FSTL5: variants seen among roughly 807,000 people sequenced by gnomAD.
FSTL5 encodes follistatin like 5.
FSTL5 carries 62 observed loss-of-function variants against 89.1 expected under a neutral mutation model. The ratio of observed to expected loss-of-function variants is 0.70; its 90% CI spans 0.57 to 0.86. The LOEUF (loss-of-function observed/expected upper bound fraction) is 0.86. Among genes scored for constraint, FSTL5 ranks in the 40% least tolerant of loss-of-function variants. The probability of loss-of-function intolerance (pLI) is 0.00; values close to 1 mark genes in which losing one functional copy is unlikely to be tolerated. For missense variants in FSTL5, 1,057 were observed against 1,001.6 expected (o/e 1.06, Z -0.75); for synonymous variants, 383 against 346.2 (o/e 1.11, Z -1.18).
At chr4:161,881,746 G>A (rs17536614) in intron 4 of FSTL5, among the ~76,000 whole-genome samples, 40,302 of 151,870 alleles carry the variant, frequency 0.27, 5,658 homozygotes, top group Non-Finnish European at 0.3. Context: ...TTTCCCTAAC[G>A]CAGGCTTATT....
intron 6 of FSTL5, among the ~76,000 whole-genome samples, chr4:161,661,781 G>T (rs1275167769): frequency 6.6e-6 from 1 of 152,120 alleles, no homozygotes; most frequent in African/African-American, 2.4e-5. Context: ...AAATTTAAAA[G>T]ATCTAGAAAC....
At chr4:161,428,591 C>A (rs1350332166) in intron 15 of FSTL5, among the ~76,000 whole-genome samples, 2 of 152,176 alleles carry the variant, frequency 1.3e-5, no homozygotes, top group Non-Finnish European at 2.9e-5. Context: ...GGCCCTCGCT[C>A]CTGGATGACA....
chr4:161,565,768 C>CACACACAT (rs1466670814), intron 8 of FSTL5, among the ~76,000 whole-genome samples: 1 of 150,450 alleles, frequency 6.6e-6, no homozygotes, highest in Non-Finnish European at 1.5e-5. Flanking sequence ...CACACACACA[C>CACACACAT]ACACACACAC....
At chr4:161,852,171 T>C (rs995258587) in intron 4 of FSTL5, among the ~76,000 whole-genome samples, 2 of 80,504 alleles carry the variant, frequency 2.5e-5, no homozygotes, top group African/African-American at 8.9e-5. Flanking sequence ...TCAACATAGG[T>C]AGATATAAAA....
At chr4:162,112,271 T>G (rs779915876) in intron 1 of FSTL5, among the ~76,000 whole-genome samples, 5 of 152,162 alleles carry the variant, frequency 3.3e-5, no homozygotes, top group African/African-American at 9.6e-5. Flanking sequence ...CATTGCTCTA[T>G]GCTGTATTTT....
chr4:161,683,288 A>G (rs1260154515), intron 6 of FSTL5, among the ~76,000 whole-genome samples: 1 of 150,468 alleles, frequency 6.6e-6, no homozygotes, highest in Non-Finnish European at 1.5e-5. Context: ...GCTCCATGGT[A>G]ATCTTAAGGA....
At chr4:161,514,714 G>T (rs1730757712) in intron 10 of FSTL5, among the ~76,000 whole-genome samples, 1 of 151,884 alleles carries the variant, frequency 6.6e-6, no homozygotes, top group East Asian at 1.9e-4. Context: ...ATTAATCTAA[G>T]AAACAAATAT....
At chr4:162,064,180 A>G (rs1738812725) in intron 2 of FSTL5, among the ~76,000 whole-genome samples, 1 of 151,928 alleles carries the variant, frequency 6.6e-6, no homozygotes, top group African/African-American at 2.4e-5. Context: ...CCTTAAAACC[A>G]TTTGTTACCT....
chr4:161,610,435 G>A (rs1444698754), intron 7 of FSTL5, among the ~76,000 whole-genome samples: 2 of 152,054 alleles, frequency 1.3e-5, no homozygotes, highest in African/African-American at 4.8e-5. Flanking sequence ...AGGTGTTGAC[G>A]GCCTAAGAAG....
chr4:162,087,015 T>C (rs76841650), intron 2 of FSTL5, among the ~76,000 whole-genome samples: 14,095 of 152,018 alleles, frequency 0.093, 784 homozygotes, highest in Non-Finnish European at 0.12. Context: ...TAGCCACAAA[T>C]CTTAATTTAC....
chr4:161,893,411 A>T (rs1300709159), intron 4 of FSTL5, among the ~76,000 whole-genome samples: 5 of 152,218 alleles, frequency 3.3e-5, no homozygotes, highest in Middle Eastern at 3.4e-3. Flanking sequence ...AATATTTTAA[A>T]CTTGTCATCT....
Position 161,385,794 on chromosome 4 carries a change from T to C in FSTL5, c.2497A>G (p.Thr833Ala). 6 of 1,609,688 alleles carry C rather than the reference T, an allele frequency of 3.7e-6. 1 individual carries two copies. The South Asian group carries it at 6.7e-5, about 18-fold the overall frequency. The change falls in exon 16 of 16, where the codon ACT becomes GCT. Residue 833 changes from threonine (T) to alanine (A), a missense_variant. By Grantham distance (58) the Thr-to-Ala change is moderately conservative. Transcript: ENST00000306100. ...ACTGTATTTCCTTTTTCAACTTCAG[T>C]GATCTCACAGTTTAATTTATTGAGT... ...GRLNKLNCEI[T>A]EVEKGNTVIW... is the part of the protein sequence containing the mutation.
At chr4:161,449,276 C>T (rs1315950835) in intron 15 of FSTL5, among the ~76,000 whole-genome samples, 1 of 152,060 alleles carries the variant, frequency 6.6e-6, no homozygotes, top group Non-Finnish European at 1.5e-5. Context: ...AACCAATGAA[C>T]CCCTAGACAA....
intron 10 of FSTL5, among the ~76,000 whole-genome samples, chr4:161,525,491 A>C (rs1731186513): frequency 6.6e-6 from 1 of 152,222 alleles, no homozygotes. Context: ...CACACATTTG[A>C]ATTACAGCAG....
At chr4:161,695,418 G>GTACGT (rs1456355866) in intron 6 of FSTL5, among the ~76,000 whole-genome samples, 1 of 55,166 alleles carries the variant, frequency 1.8e-5, no homozygotes, top group Non-Finnish European at 4.3e-5. Context: ...AGTATTCCAT[G>GTACGT]GTGTACGTGT....
intron 6 of FSTL5, among the ~76,000 whole-genome samples, chr4:161,683,616 A>ATAT (rs1737601178): frequency 6.6e-6 from 1 of 152,222 alleles, no homozygotes; most frequent in Non-Finnish European, 1.5e-5. Context: ...ATATATATGT[A>ATAT]CAATAATTAT....
chr4:162,022,180 C>T (rs1272326048), intron 3 of FSTL5, among the ~76,000 whole-genome samples: 1 of 151,772 alleles, frequency 6.6e-6, no homozygotes, highest in African/African-American at 2.4e-5. Flanking sequence ...GCCTAGATTT[C>T]ACCACTATGC....
At chr4:161,510,672 CAA>C (rs1730623046) in intron 10 of FSTL5, among the ~76,000 whole-genome samples, 1 of 151,582 alleles carries the variant, frequency 6.6e-6, no homozygotes, top group African/African-American at 2.4e-5. Context: ...TGTTATTAAA[CAA>C]AGAACATTTT....
intron 8 of FSTL5, among the ~76,000 whole-genome samples, chr4:161,582,208 A>G (rs1253345904): frequency 6.6e-6 from 1 of 152,212 alleles, no homozygotes; most frequent in Non-Finnish European, 1.5e-5. Context: ...TGTTATGGTA[A>G]TCAATGACAT....
Sources: gnomAD v4.1 joint callset for allele counts (sites outside exome capture counted in the v4.1 genomes callset) on GRCh38, gnomAD v4.1.1 for gene constraint, MANE v1.5 for transcripts, NCBI Gene and HGNC (gene_info 2026-07-23, HGNC 2026-07-21) for gene names.